Variants in EIF2AK1 observed in about 807,000 individuals in gnomAD.
The protein encoded by EIF2AK1 is eukaryotic translation initiation factor 2-alpha kinase 1.
In EIF2AK1, 54 loss-of-function variants were observed where a neutral mutation model predicts 77.9. The ratio of observed to expected loss-of-function variants is 0.69; its 90% CI spans 0.56 to 0.87. The LOEUF is 0.87. Ranked by LOEUF, EIF2AK1 falls within the 40% of genes least tolerant of loss-of-function variation. The probability of loss-of-function intolerance (pLI) is 0.00; values close to 1 mark genes in which losing one functional copy is unlikely to be tolerated. For synonymous variants in EIF2AK1, 314 were observed against 290.5 expected (o/e 1.08, Z -0.82); for missense variants, 810 against 768.6 (o/e 1.05, Z -0.64).
chr7:6,049,758 G>A (rs762529481), intron 3 of EIF2AK1, 154 bp downstream of exon 3: 1 of 671,830 alleles, frequency 1.5e-6, no homozygotes, highest in Non-Finnish European at 2.4e-6. Flanking sequence ...AAAGTGCTGG[G>A]ATTAAGGCAT....
In EIF2AK1 at chr7:6,022,557, A is replaced by G. The variant is rs1787504205; in HGVS notation, c.*2116T>C. 1 of 152,258 alleles carries G rather than the reference A, an allele frequency of 6.6e-6. No individual in the cohort carries two copies. The allele number at this position is 152,258 out of a possible 1,614,324, so 9.4% of individuals were successfully genotyped here. ...GCATACTGGCCACATAGCGATTTGC[A>G]TCAGGTCAGATATTCTAAGTCTAGA... On this transcript the variant is annotated 3_prime_UTR_variant, in exon 15 of 15. Transcript: ENST00000199389.
rs774859029 is a variant in EIF2AK1 at position 6,044,618 on chromosome 7, T to C, written c.674A>G (p.Asn225Ser). 18 of 1,613,858 alleles carry C rather than the reference T, an allele frequency of 1.1e-5. No homozygotes were observed. The South Asian group carries it at 1.8e-4, about 16-fold the overall frequency. Residue 225 changes from asparagine (N) to serine (S), a missense_variant, in exon 7 of 15, where the codon AAT becomes AGT. Asn to Ser is a conservative substitution (Grantham distance 46). This residue lies in a region of EIF2AK1 where 549 missense variants were observed against 533.7 expected (regional missense o/e 1.03). Transcript: ENST00000199389. The stretch of plus-strand genomic sequence containing the variant: ...CCACGCGGTGTGATAGCCAACAATA[T>C]TGGGGTGCTGAAGACCTGCCAGCAC... ...VKVLAGLQHP[N>S]IVGYHTAWIE...
In EIF2AK1 at chr7:6,036,264, A is replaced by G. The variant is rs767928392; in HGVS notation, c.1332+1160T>C. The G allele has an allele frequency of 5.2e-6, 8 of 1,549,952 alleles. No homozygotes were observed. The South Asian group carries it at 9.5e-5, about 18-fold the overall frequency. The stretch of plus-strand genomic sequence containing the variant: ...GCAAAAACCTTTATCCCTACAGGGT[A>G]TCTGCAAAAGAAACATCAGGAATAT... On this transcript the variant is annotated intron_variant, in intron 11 of 14. Transcript: ENST00000199389. This position sits in a 1 kb window ranked among gnomAD's most constrained non-coding sequence, Gnocchi z 4.6.
intron 13 of EIF2AK1, 54 bp downstream of exon 13, chr7:6,028,561 T>G: frequency 5.1e-6 from 8 of 1,569,826 alleles, no homozygotes; most frequent in Non-Finnish European, 7.0e-6. Context: ...CCTGTATTGT[T>G]ATTTAAGACT....
chr7:6,041,839 TA>T (rs35008838), intron 8 of EIF2AK1, among the ~76,000 whole-genome samples: 205 of 130,726 alleles, frequency 1.6e-3, no homozygotes, highest in Middle Eastern at 4.1e-3. Context: ...AGACTCCATC[TA>T]AAAAAAAAAA....
rs555716620 is a variant in EIF2AK1 at position 6,032,453 on chromosome 7, C to T, written c.1333-3421G>A. On this transcript the variant is annotated intron_variant, in intron 11 of 14. Transcript: ENST00000199389. This position sits in a 1 kb window ranked among gnomAD's most constrained non-coding sequence, Gnocchi z 4.3. The stretch of plus-strand genomic sequence containing the variant: ...TCAGGTTTTACTGCTGATAATACGA[C>T]TTTGGCAACGACACAGCACCTACTT... Among the ~76,000 whole-genome samples, 47 of 152,314 alleles carry T rather than the reference C, an allele frequency of 3.1e-4. No individual in the cohort carries two copies. Among genetic ancestry groups the T allele is most frequent in the African/African-American group, 1.1e-3 (47 of 41,574 alleles).
At chr7:6,031,315 A>G in intron 11 of EIF2AK1, 3 of 1,447,592 alleles carry the variant, frequency 2.1e-6, no homozygotes, top group South Asian at 2.5e-5. Flanking sequence ...AATCATCACA[A>G]AGAGACTGAA....
intron 4 of EIF2AK1, 100 bp from the exon 5 acceptor site, chr7:6,047,191 GTATCAC>G: frequency 3.4e-6 from 4 of 1,178,560 alleles, no homozygotes; most frequent in Non-Finnish European, 5.0e-6. Context: ...CAAACCTCAT[GTATCAC>G]TAAGCTGTGC....
intron 8 of EIF2AK1, 131 bp from the exon 9 acceptor site, chr7:6,041,350 C>G: frequency 2.2e-6 from 2 of 913,760 alleles, no homozygotes; most frequent in Non-Finnish European, 3.2e-6. Flanking sequence ...ACCAGCTTAC[C>G]CAACATGGTA....
At chr7:6,029,704 C>T (rs886439748) in intron 11 of EIF2AK1, among the ~76,000 whole-genome samples, 2 of 152,060 alleles carry the variant, frequency 1.3e-5, no homozygotes, top group African/African-American at 4.8e-5. Flanking sequence ...TGTCCTCGGC[C>T]GGGCACGGTG....
intron 11 of EIF2AK1, 44 bp from the exon 12 acceptor site, chr7:6,029,076 C>G (rs1787828370): frequency 1.4e-6 from 2 of 1,432,244 alleles, no homozygotes; most frequent in Non-Finnish European, 9.7e-7. Flanking sequence ...TTTCTTAAAA[C>G]AAATAGTAAT....
In EIF2AK1 at chr7:6,026,920, A is replaced by G; in HGVS notation, c.1572T>C (p.Phe524=). 2 of 1,614,172 alleles carry G rather than the reference A, an allele frequency of 1.2e-6. No homozygotes were observed. The highest frequency in any genetic ancestry group is 2.2e-5 in the East Asian group (1 of 44,878). Residue 524 remains phenylalanine, a synonymous_variant, in exon 14 of 15, where the codon TTT becomes TTC. Transcript: ENST00000199389. ...YSLGVVLLEL[F]QPFGTEMERA... is the part of the protein sequence containing the mutation. ...GCTCCATTTCTGTTCCAAACGGCTG[A>G]AAGAGCTCTAGCAGGACCACACCCA...
intron 9 of EIF2AK1, among the ~76,000 whole-genome samples, chr7:6,039,617 T>A (rs1465705939): frequency 1.2e-5 from 1 of 82,334 alleles, no homozygotes. Context: ...CAAGACTCCA[T>A]CTCCAAAAAA....
intron 7 of EIF2AK1, among the ~76,000 whole-genome samples, 193 bp from the exon 8 acceptor site, chr7:6,043,186 T>C (rs918725829): frequency 6.6e-6 from 1 of 152,140 alleles, no homozygotes; most frequent in Non-Finnish European, 1.5e-5. Flanking sequence ...CATGCAACTA[T>C]ACGAGGGGTC....
At chr7:6,046,958 G>A (rs369369712) in intron 5 of EIF2AK1, 34 bp downstream of exon 5, 2 of 1,491,760 alleles carry the variant, frequency 1.3e-6, no homozygotes, top group African/African-American at 2.8e-5. Flanking sequence ...AATTATTTAG[G>A]GTAGTAGGTC....
intron 7 of EIF2AK1, 34 bp downstream of exon 7, chr7:6,044,528 C>T (rs368089496): frequency 2.5e-5 from 40 of 1,577,764 alleles, no homozygotes; most frequent in Admixed American, 1.6e-4. Flanking sequence ...AGTTTGCCAA[C>T]GCTTCAACTA....
intron 1 of EIF2AK1, chr7:6,058,037 A>T: frequency 4.8e-6 from 2 of 419,184 alleles, no homozygotes; most frequent in South Asian, 3.4e-5. Context: ...TCACCTAGTT[A>T]GAGTCAATGT....
chr7:6,036,330 C>A lies in EIF2AK1; in HGVS notation c.1332+1094G>T. 6.5e-7 allele frequency: 1 copy of A among 1,539,168 alleles called. No individual in the cohort carries two copies. The highest frequency in any genetic ancestry group is 8.7e-7 in the Non-Finnish European group (1 of 1,143,132). Reference sequence around the variant, plus strand: ...CAAACAGCACTTGAAGCAATTCCTCCCAGTGACAATATGGAATTCTGTCTA... The same window carrying A: ...CAAACAGCACTTGAAGCAATTCCTCACAGTGACAATATGGAATTCTGTCTA... On this transcript the variant is annotated intron_variant, in intron 11 of 14. Transcript: ENST00000199389. The surrounding 1 kb of genome is among the most constrained non-coding windows in gnomAD (Gnocchi z 4.6).
intron 8 of EIF2AK1, among the ~76,000 whole-genome samples, chr7:6,041,755 C>T (rs973791393): frequency 6.6e-6 from 1 of 150,998 alleles, no homozygotes; most frequent in African/African-American, 2.4e-5. Context: ...GCAGGAGAAT[C>T]GCTTGAACCC....
Sources: allele counts gnomAD v4.1 joint callset (sites outside exome capture counted in the v4.1 genomes callset), GRCh38; gene constraint gnomAD v4.1.1; regional missense constraint gnomAD v4.1.1; non-coding constraint Gnocchi (gnomAD v3.1); transcripts MANE v1.5; gene names NCBI Gene and HGNC (gene_info 2026-07-23, HGNC 2026-07-21).